GPCPD1: variants seen among roughly 807,000 people sequenced by gnomAD.
GPCPD1 encodes the protein glycerophosphocholine phosphodiesterase GPCPD1.
GPCPD1 carries 29 observed loss-of-function variants against 89.2 expected under a neutral mutation model. The observed-to-expected ratio is 0.33, with a 90% CI of 0.24 to 0.44. GPCPD1 has a LOEUF of 0.44. Ranked by LOEUF, GPCPD1 falls within the 20% of genes least tolerant of loss-of-function variation. The pLI, the probability that GPCPD1 is intolerant of heterozygous loss-of-function variation, is 1.00. For synonymous variants in GPCPD1, 258 were observed against 266.3 expected (o/e 0.97, Z 0.30); for missense variants, 594 against 808.9 (o/e 0.73, Z 3.22).
At chr20:5,607,341 C>T (rs926301807) in intron 1 of GPCPD1, among the ~76,000 whole-genome samples, 5 of 150,798 alleles carry the variant, frequency 3.3e-5, no homozygotes. Flanking sequence ...GCCTGTAATC[C>T]CAGCACTTTG....
intron 14 of GPCPD1, 96 bp downstream of exon 14, chr20:5,566,637 A>G: frequency 1.3e-6 from 1 of 766,196 alleles, no homozygotes; most frequent in Non-Finnish European, 2.3e-6. Flanking sequence ...ATACTCATAA[A>G]AATGACCAAG....
chr20:5,549,845 T>C (rs6053485), intron 19 of GPCPD1, among the ~76,000 whole-genome samples: 30,867 of 150,606 alleles, frequency 0.2, 3,273 homozygotes, highest in East Asian at 0.27. Context: ...AAAAAATGCA[T>C]TCAGAGAAAA....
chr20:5,604,550 T>C, intron 1 of GPCPD1, 110 bp from the exon 2 acceptor site: 1 of 418,320 alleles, frequency 2.4e-6, no homozygotes, highest in Non-Finnish European at 4.4e-6. Context: ...AAGCAATATT[T>C]AATGTCTTTG....
intron 3 of GPCPD1, among the ~76,000 whole-genome samples, chr20:5,594,644 A>T (rs998037573): frequency 6.6e-6 from 1 of 152,124 alleles, no homozygotes; most frequent in Non-Finnish European, 1.5e-5. Context: ...TAGACCATTA[A>T]CCAAACGTTA....
intron 19 of GPCPD1, among the ~76,000 whole-genome samples, chr20:5,551,113 G>A (rs1291628686): frequency 1.3e-5 from 2 of 152,170 alleles, no homozygotes; most frequent in African/African-American, 4.8e-5. Context: ...CTACTCCTGA[G>A]AACTGGTAAC....
chr20:5,557,894 T>A, intron 19 of GPCPD1, 51 bp downstream of exon 19: 1 of 991,252 alleles, frequency 1.0e-6, no homozygotes, highest in Admixed American at 2.5e-5. Context: ...TTTCGTAAGA[T>A]GAAATCTATA....
chr20:5,558,973 C>T (rs1043204128), intron 17 of GPCPD1, among the ~76,000 whole-genome samples, 154 bp from the exon 18 acceptor site: 2 of 152,098 alleles, frequency 1.3e-5, no homozygotes, highest in Non-Finnish European at 2.9e-5. Flanking sequence ...GAGGCCAAGG[C>T]GGGCAGAGCA....
intron 4 of GPCPD1, among the ~76,000 whole-genome samples, chr20:5,586,505 C>A (rs547082254): frequency 4.6e-5 from 7 of 152,268 alleles, no homozygotes; most frequent in African/African-American, 1.7e-4. Context: ...AACTGGCACA[C>A]AGAACTGTCT....
Position 5,558,718 on chromosome 20 carries a change from A to G in GPCPD1, c.1634T>C (p.Ile545Thr), listed in dbSNP as rs199557724. 83 of 1,599,378 alleles carry G rather than the reference A, an allele frequency of 5.2e-5. 1 individual carries two copies. In the Middle Eastern group the frequency reaches 7.7e-4, roughly 15 times the overall value. Residue 545 changes from isoleucine to threonine, a missense_variant, in exon 18 of 20, where the codon ATT becomes ACT. Transcript: ENST00000379019. ...TTCAAACTGTGCAAAGCTCATTGCA[A>G]TGGGGGTTGTCCGAGATCTGAGGTC... ...LMDLRSRTTP[I>T]AMSFAQFENL...
At chr20:5,591,701 T>TA (rs1979338420) in intron 4 of GPCPD1, among the ~76,000 whole-genome samples, 1 of 152,198 alleles carries the variant, frequency 6.6e-6, no homozygotes, top group Admixed American at 6.5e-5. Flanking sequence ...ATACTTCTAT[T>TA]AAAAATGTTT....
At chr20:5,603,677 C>G (rs919029379) in intron 2 of GPCPD1, among the ~76,000 whole-genome samples, 1 of 151,726 alleles carries the variant, frequency 6.6e-6, no homozygotes, top group East Asian at 1.9e-4. Context: ...GCAAAAAATA[C>G]AATGAGGCTA....
At chr20:5,557,292 G>C (rs1308246392) in intron 19 of GPCPD1, among the ~76,000 whole-genome samples, 1 of 152,204 alleles carries the variant, frequency 6.6e-6, no homozygotes, top group African/African-American at 2.4e-5. Flanking sequence ...TGACCGTTAA[G>C]GGTAGAGGCA....
At chr20:5,590,041 C>T (rs1365476501) in intron 4 of GPCPD1, among the ~76,000 whole-genome samples, 9 of 152,156 alleles carry the variant, frequency 5.9e-5, no homozygotes, top group Non-Finnish European at 1.3e-4. Flanking sequence ...TAAACAGTTA[C>T]TGACATCACT....
Position 5,608,884 on chromosome 20 carries a change from T to C in GPCPD1, c.-29+1958A>G, listed in dbSNP as rs1980769280. Among the ~76,000 whole-genome samples, 4 of 152,214 alleles carry C rather than the reference T, an allele frequency of 2.6e-5. No homozygotes were observed. In the South Asian group the frequency reaches 8.3e-4, roughly 32 times the overall value. On this transcript the variant is annotated intron_variant, in intron 1 of 19. Transcript: ENST00000379019. ...TCTGAGATTCTGGGTAGTATTTAAA[T>C]AACCCTTTTTAAAAGACTCAAGCAA...
Position 5,554,047 on chromosome 20 carries a change from C to A in GPCPD1, c.1829+3898G>T, listed in dbSNP as rs1218176911. 8.1e-5 allele frequency among the ~76,000 whole-genome samples: 11 copies of A among 136,480 alleles called. 3 individuals carry two copies. The highest frequency in any genetic ancestry group is 3.2e-4 in the African/African-American group (11 of 34,322). 89.5% of individuals were successfully genotyped at this position (136,480 alleles called of 152,430 possible). A position where few individuals can be genotyped will look rare whatever the true frequency, so the allele number is the denominator to read the frequency against. ...GCAGTGGTGTGATCTCTGCTCACTGCAAGCTCCGACTCCTCGGTTCAGGCC... is the reference window on the plus strand; with the variant it reads ...GCAGTGGTGTGATCTCTGCTCACTGAAAGCTCCGACTCCTCGGTTCAGGCC... On this transcript the variant is annotated intron_variant, in intron 19 of 19. Transcript: ENST00000379019.
intron 5 of GPCPD1, 102 bp from the exon 6 acceptor site, chr20:5,584,424 T>C: frequency 1.7e-6 from 1 of 598,188 alleles, no homozygotes; most frequent in South Asian, 2.1e-5. Context: ...TAATATTAAA[T>C]CTACAGCTTA....
At chr20:5,584,836 C>T (rs1023988059) in intron 5 of GPCPD1, 5 of 152,590 alleles carry the variant, frequency 3.3e-5, no homozygotes, top group African/African-American at 1.2e-4. Context: ...TGAGGAACTA[C>T]CAAAAGAATA....
intron 15 of GPCPD1, among the ~76,000 whole-genome samples, chr20:5,562,298 T>A (rs1986131877): frequency 6.6e-6 from 1 of 152,190 alleles, no homozygotes; most frequent in Admixed American, 6.5e-5. Context: ...TATTATTATT[T>A]TTGAGGCATA....
chr20:5,575,287 C>T, intron 10 of GPCPD1, 126 bp downstream of exon 10: 1 of 709,970 alleles, frequency 1.4e-6, no homozygotes, highest in South Asian at 2.3e-5. Flanking sequence ...ACCCCAATTA[C>T]CAAATTACAC....
Sources: gnomAD v4.1 joint callset for allele counts (sites outside exome capture counted in the v4.1 genomes callset) on GRCh38, gnomAD v4.1.1 for gene constraint, MANE v1.5 for transcripts, NCBI Gene and HGNC (gene_info 2026-07-23, HGNC 2026-07-21) for gene names.